Variants in IFT80 observed in about 807,000 individuals in gnomAD.
IFT80 encodes the protein intraflagellar transport protein 80 homolog.
In IFT80, 79 loss-of-function variants were observed where a neutral mutation model predicts 107.9. That is an observed-to-expected ratio of 0.73 (90% CI 0.61 to 0.88). IFT80 has a LOEUF of 0.88. Among genes scored for constraint, IFT80 ranks in the 40% least tolerant of loss-of-function variants. The probability of loss-of-function intolerance (pLI) is 0.00; values close to 1 mark genes in which losing one functional copy is unlikely to be tolerated. For synonymous variants in IFT80, 299 were observed against 300.9 expected, an observed-to-expected ratio of 0.99 and a Z score of 0.07; for missense variants, 797 against 914.2, an observed-to-expected ratio of 0.87 and a Z score of 1.65.
intron 13 of IFT80, among the ~76,000 whole-genome samples, chr3:160,284,483 C>T (rs1240592150): frequency 6.6e-6 from 1 of 152,052 alleles, no homozygotes; most frequent in African/African-American, 2.4e-5. Context: ...CATATATTAC[C>T]AGTGCAAAGG....
chr3:160,387,875 T>C (rs1713061241), intron 1 of IFT80, among the ~76,000 whole-genome samples: 1 of 152,202 alleles, frequency 6.6e-6, no homozygotes, highest in South Asian at 2.1e-4. Context: ...CTGAAGTCTT[T>C]AGAATTGTTG....
chr3:160,351,613 A>ATT (rs1156830582), intron 8 of IFT80, among the ~76,000 whole-genome samples: 1 of 147,618 alleles, frequency 6.8e-6, no homozygotes, highest in East Asian at 1.9e-4. Flanking sequence ...ATTTGTATAT[A>ATT]TTATATATAT....
intron 13 of IFT80, among the ~76,000 whole-genome samples, chr3:160,285,599 G>C (rs1715031248): frequency 6.6e-6 from 1 of 152,026 alleles, no homozygotes; most frequent in Non-Finnish European, 1.5e-5. Context: ...CAACTAATTT[G>C]CATGTATAGC....
chr3:160,336,304 A>G (rs904985936), intron 8 of IFT80, among the ~76,000 whole-genome samples: 3 of 152,180 alleles, frequency 2.0e-5, no homozygotes, highest in Admixed American at 1.3e-4. Flanking sequence ...AAATCACTGA[A>G]AATAGTTATC....
intron 7 of IFT80, 119 bp downstream of exon 7, chr3:160,357,370 G>A: frequency 1.6e-6 from 1 of 613,084 alleles, no homozygotes; most frequent in Non-Finnish European, 2.9e-6. Context: ...AAAATAATTT[G>A]CTAAATTACT....
intron 12 of IFT80, among the ~76,000 whole-genome samples, chr3:160,295,834 C>T (rs1715931354): frequency 6.6e-6 from 1 of 152,244 alleles, no homozygotes; most frequent in African/African-American, 2.4e-5. Flanking sequence ...AAAAGGAAAT[C>T]CTGCAACATG....
chr3:160,268,615 A>G, intron 18 of IFT80, 79 bp from the exon 19 acceptor site: 1 of 1,329,102 alleles, frequency 7.5e-7, no homozygotes, highest in Non-Finnish European at 1.1e-6. Context: ...AGTTGGGGAT[A>G]AGACAAATGG....
chr3:160,276,921 G>C (rs751942656), intron 18 of IFT80, among the ~76,000 whole-genome samples: 1 of 152,012 alleles, frequency 6.6e-6, no homozygotes, highest in African/African-American at 2.4e-5. Context: ...TAAACCTCTA[G>C]TTCAGATATT....
At chr3:160,367,502 T>C (rs1409450539) in intron 5 of IFT80, among the ~76,000 whole-genome samples, 1 of 152,038 alleles carries the variant, frequency 6.6e-6, no homozygotes, top group African/African-American at 2.4e-5. Context: ...TCTAATAACC[T>C]CCCACTCATG....
At position 160,277,412 on chromosome 3, in the gene IFT80, T is replaced by C. The variant is rs886058130; in HGVS notation, c.1993A>G (p.Ile665Val). 1.9e-6 allele frequency: 3 copies of C among 1,611,320 alleles called. No homozygotes were observed. The highest frequency in any genetic ancestry group is 2.5e-6 in the Non-Finnish European group (3 of 1,177,578). The change falls in exon 18 of 20, where the codon ATA becomes GTA. Residue 665 changes from isoleucine to valine, a missense_variant. By Grantham distance (29) the Ile-to-Val change is conservative. Transcript: ENST00000326448. ...LPSKESKMAH[I>V]LLFSGNIQEA... is the part of the protein sequence containing the mutation. ...TGTATGTTCCCACTAAACAGTAGTA[T>C]GTGGGCCATTTTTGATTCTTTAGAT...
chr3:160,310,194 T>C (rs1237977516), intron 9 of IFT80, among the ~76,000 whole-genome samples: 1 of 152,066 alleles, frequency 6.6e-6, no homozygotes, highest in Non-Finnish European at 1.5e-5. Context: ...AGATGGGAAA[T>C]GTACAAAAGA....
At chr3:160,364,673 T>A (rs1721736938) in intron 6 of IFT80, among the ~76,000 whole-genome samples, 1 of 152,140 alleles carries the variant, frequency 6.6e-6, no homozygotes, top group South Asian at 2.1e-4. Context: ...TATGCAGCCA[T>A]AATACAGGAT....
chr3:160,268,629 T>C lies in IFT80; in HGVS notation c.2100-93A>G, dbSNP rs1445090920. The C allele has an allele frequency of 9.4e-6, 11 of 1,168,168 alleles. No individual in the cohort carries two copies. In the East Asian group the frequency reaches 2.6e-4, roughly 28 times the overall value. 72.4% of individuals were successfully genotyped at this position (1,168,168 alleles called of 1,614,324 possible). On this transcript the variant is annotated intron_variant, in intron 18 of 19. Transcript: ENST00000326448. ...GAGTTGGGGATAAGACAAATGGCTCTTCCCTCTGTTTATTCCACAATATGA... is the reference window on the plus strand; with the variant it reads ...GAGTTGGGGATAAGACAAATGGCTCCTCCCTCTGTTTATTCCACAATATGA...
At chr3:160,369,180 A>G (rs1191477148) in intron 5 of IFT80, among the ~76,000 whole-genome samples, 1 of 152,050 alleles carries the variant, frequency 6.6e-6, no homozygotes, top group East Asian at 1.9e-4. Flanking sequence ...AGAAACAGGT[A>G]TAACTTATAT....
intron 8 of IFT80, among the ~76,000 whole-genome samples, chr3:160,346,920 T>A (rs1720334258): frequency 6.6e-6 from 1 of 152,158 alleles, no homozygotes; most frequent in South Asian, 2.1e-4. Flanking sequence ...TGTCTGGCCC[T>A]GGGCATGTAT....
At chr3:160,283,693 C>A (rs1354779068) in intron 13 of IFT80, among the ~76,000 whole-genome samples, 1 of 152,098 alleles carries the variant, frequency 6.6e-6, no homozygotes, top group East Asian at 1.9e-4. Context: ...ATCATCAGAA[C>A]CTAGTGTATT....
intron 9 of IFT80, among the ~76,000 whole-genome samples, chr3:160,317,334 TATAA>T (rs1559936376): frequency 6.6e-6 from 1 of 152,142 alleles, no homozygotes; most frequent in Non-Finnish European, 1.5e-5. Context: ...TTTAAAAATT[TATAA>T]ATATTATTTT....
chr3:160,398,204 G>A (rs1713999896), intron 1 of IFT80, among the ~76,000 whole-genome samples: 1 of 152,132 alleles, frequency 6.6e-6, no homozygotes, highest in African/African-American at 2.4e-5. Context: ...ATACACACCA[G>A]TCTCCCAACC....
intron 6 of IFT80, among the ~76,000 whole-genome samples, chr3:160,364,438 G>A (rs889647819): frequency 1.4e-4 from 21 of 152,298 alleles, no homozygotes; most frequent in Non-Finnish European, 2.8e-4. Flanking sequence ...GTGGAAGACA[G>A]GGTGGCAATT....
Sources: allele counts gnomAD v4.1 joint callset (sites outside exome capture counted in the v4.1 genomes callset), GRCh38; gene constraint gnomAD v4.1.1; transcripts MANE v1.5; gene names NCBI Gene and HGNC (gene_info 2026-07-23, HGNC 2026-07-21).